Variants in FOXN3 observed in about 807,000 individuals in gnomAD.
FOXN3 encodes forkhead box N3, also known as forkhead box protein N3.
Under a neutral mutation model 38.4 loss-of-function variants are expected in FOXN3, and 7 were observed. The observed-to-expected ratio is 0.18, with a 90% CI of 0.10 to 0.34. The LOEUF is 0.34. Among genes scored for constraint, FOXN3 ranks in the 10% least tolerant of loss-of-function variants. FOXN3 has a pLI of 1.00. For synonymous variants in FOXN3, 230 were observed against 242.2 expected (o/e 0.95, Z 0.47); for missense variants, 456 against 613.4 (o/e 0.74, Z 2.71).
At chr14:89,204,550 T>C (rs1417883268) in intron 4 of FOXN3, among the ~76,000 whole-genome samples, 1 of 152,072 alleles carries the variant, frequency 6.6e-6, no homozygotes, top group African/African-American at 2.4e-5. Flanking sequence ...CTGAGATGTG[T>C]TGATTCAGAA....
chr14:89,608,362 G>C (rs147032544), intron 1 of FOXN3, among the ~76,000 whole-genome samples: 28 of 152,204 alleles, frequency 1.8e-4, no homozygotes, highest in African/African-American at 6.5e-4. Flanking sequence ...GGATGGTCTC[G>C]ATCTCCTGAC....
chr14:89,186,179 A>G (rs1350619966), intron 4 of FOXN3, among the ~76,000 whole-genome samples: 1 of 152,114 alleles, frequency 6.6e-6, no homozygotes, highest in Non-Finnish European at 1.5e-5. Context: ...TTGGAAGCAC[A>G]CTGGGGAGGG....
intron 4 of FOXN3, among the ~76,000 whole-genome samples, chr14:89,197,767 G>C (rs1347343295): frequency 2.0e-5 from 3 of 152,152 alleles, no homozygotes; most frequent in Admixed American, 6.5e-5. Flanking sequence ...CAAACATCAG[G>C]CTCCACCCTA....
chr14:89,410,388 C>A (rs933765962), intron 2 of FOXN3, among the ~76,000 whole-genome samples: 28 of 152,276 alleles, frequency 1.8e-4, no homozygotes, highest in African/African-American at 4.3e-4. Context: ...CCCAGCTGCA[C>A]ACAGCAGCAT....
chr14:89,432,399 A>G (rs1016832912), intron 1 of FOXN3, among the ~76,000 whole-genome samples: 1 of 152,214 alleles, frequency 6.6e-6, no homozygotes, highest in Non-Finnish European at 1.5e-5. Flanking sequence ...ATGAACACCA[A>G]GTACCCAATG....
intron 1 of FOXN3, among the ~76,000 whole-genome samples, chr14:89,483,501 C>G (rs939938189): frequency 6.6e-6 from 1 of 152,284 alleles, no homozygotes; most frequent in East Asian, 1.9e-4. Flanking sequence ...CTCTGCCTCC[C>G]GGGTTCAAGT....
At chr14:89,431,903 C>T (rs775247449) in intron 1 of FOXN3, among the ~76,000 whole-genome samples, 3 of 152,028 alleles carry the variant, frequency 2.0e-5, no homozygotes, top group Non-Finnish European at 2.9e-5. Flanking sequence ...TTAGTACAGA[C>T]GGGGTTTCAC....
chr14:89,471,018 A>T (rs1447910695), intron 1 of FOXN3, among the ~76,000 whole-genome samples: 1 of 152,220 alleles, frequency 6.6e-6, no homozygotes, highest in African/African-American at 2.4e-5. Flanking sequence ...ATCCACAGTG[A>T]ACATGTAGGA....
chr14:89,261,141 G>A (rs1350936022), intron 4 of FOXN3, among the ~76,000 whole-genome samples: 1 of 152,200 alleles, frequency 6.6e-6, no homozygotes, highest in Non-Finnish European at 1.5e-5. Flanking sequence ...AGTCCAGGCA[G>A]GCCTGGCTGG....
At chr14:89,469,066 C>T (rs1274402609) in intron 1 of FOXN3, among the ~76,000 whole-genome samples, 1 of 152,208 alleles carries the variant, frequency 6.6e-6, no homozygotes. Context: ...CAAAATGGCA[C>T]TCCTTGTGTT....
chr14:89,291,584 A>G (rs1029520787), intron 3 of FOXN3: 2 of 533,978 alleles, frequency 3.7e-6, no homozygotes, highest in Non-Finnish European at 7.3e-6. Context: ...CAGTCCCTAC[A>G]TGTCTGCCAT....
At chr14:89,311,696 C>G (rs1186613988) in intron 3 of FOXN3, among the ~76,000 whole-genome samples, 4 of 147,132 alleles carry the variant, frequency 2.7e-5, no homozygotes, top group African/African-American at 1.0e-4. Flanking sequence ...CATGGTGGCA[C>G]TTGCCTGTAG....
chr14:89,587,738 G>A (rs1895871162), intron 1 of FOXN3, among the ~76,000 whole-genome samples: 1 of 152,006 alleles, frequency 6.6e-6, no homozygotes, highest in Non-Finnish European at 1.5e-5. Flanking sequence ...GTGGTGGCAT[G>A]TGCCTGTAAT....
At chr14:89,470,805 A>G (rs1893078637) in intron 1 of FOXN3, among the ~76,000 whole-genome samples, 1 of 152,160 alleles carries the variant, frequency 6.6e-6, no homozygotes, top group Non-Finnish European at 1.5e-5. Flanking sequence ...GGCCCAGTAG[A>G]GCTAACCTAA....
At chr14:89,322,298 T>C (rs1279436142) in intron 3 of FOXN3, among the ~76,000 whole-genome samples, 1 of 152,188 alleles carries the variant, frequency 6.6e-6, no homozygotes, top group Non-Finnish European at 1.5e-5. Context: ...GCTTCCAACA[T>C]ATTTTGTGTG....
chr14:89,427,485 T>G (rs1340060503), intron 1 of FOXN3, among the ~76,000 whole-genome samples: 1 of 147,692 alleles, frequency 6.8e-6, no homozygotes, highest in Non-Finnish European at 1.5e-5. Flanking sequence ...TTTTTTTTTT[T>G]TTTTTGTATT....
intron 5 of FOXN3, among the ~76,000 whole-genome samples, chr14:89,176,106 A>G (rs569691828): frequency 2.0e-5 from 3 of 152,222 alleles, no homozygotes; most frequent in Non-Finnish European, 4.4e-5. Flanking sequence ...GCCCAGGCAA[A>G]TTTAAAAATA....
chr14:89,159,346 T>C lies in FOXN3; in HGVS notation c.*3068A>G, dbSNP rs1407058105. ...AAAACAGAAGAAAAATAGGAAGAAG[T>C]ACCCTCACTAAAGGTTCCCCGACAA... On this transcript the variant is annotated 3_prime_UTR_variant, in exon 6 of 6. Coordinates refer to ENST00000557258, the MANE Select transcript of FOXN3 (RefSeq NM_005197.4). 6.6e-6 allele frequency: 1 copy of C among 152,650 alleles called. No individual in the cohort carries two copies. Among genetic ancestry groups the C allele is most frequent in the African/African-American group, 2.4e-5 (1 of 41,446 alleles). 9.5% of individuals were successfully genotyped at this position (152,650 alleles called of 1,614,324 possible).
chr14:89,340,707 G>A (rs569302611), intron 3 of FOXN3, among the ~76,000 whole-genome samples: 287 of 152,150 alleles, frequency 1.9e-3, no homozygotes, highest in Non-Finnish European at 3.3e-3. Flanking sequence ...AACAATAGGG[G>A]GGAGGTTGGG....
Sources: gnomAD v4.1 joint callset for allele counts (sites outside exome capture counted in the v4.1 genomes callset) on GRCh38, gnomAD v4.1.1 for gene constraint, MANE v1.5 for transcripts, NCBI Gene and HGNC (gene_info 2026-07-23, HGNC 2026-07-21) for gene names.